The following CRPPA variants were observed in gnomAD, a reference collection of about 807,000 sequenced individuals.
CRPPA encodes D-ribitol-5-phosphate cytidylyltransferase.
A neutral mutation model predicts 52.0 loss-of-function variants in CRPPA; 43 were observed. That is an observed-to-expected ratio of 0.83 (90% confidence interval 0.65 to 1.07). The LOEUF (loss-of-function observed/expected upper bound fraction) is 1.07, where lower values mean the gene tolerates loss of function less well. Ranked by LOEUF, CRPPA falls within the 50% of genes least tolerant of loss-of-function variation. The pLI is 0.00. For synonymous variants in CRPPA, 250 were observed against 203.5 expected, an observed-to-expected ratio of 1.23 and a Z score of -1.94; for missense variants, 629 against 551.7, an observed-to-expected ratio of 1.14 and a Z score of -1.40.
intron 8 of CRPPA, among the ~76,000 whole-genome samples, chr7:16,250,257 C>T (rs760335146): frequency 1.6e-4 from 25 of 152,128 alleles, no homozygotes; most frequent in Non-Finnish European, 1.9e-4. Flanking sequence ...ATTGGTGTAC[C>T]TGAAAGTGAC....
At chr7:16,254,065 G>A (rs56005627) in intron 8 of CRPPA, among the ~76,000 whole-genome samples, 51,164 of 151,952 alleles carry the variant, frequency 0.34, 9,432 homozygotes, top group Admixed American at 0.43. Context: ...TTAGAATGGC[G>A]ATCATTAAAA....
At chr7:16,286,097 AATAT>A (rs71007759) in intron 5 of CRPPA, among the ~76,000 whole-genome samples, 1 of 39,128 alleles carries the variant, frequency 2.6e-5, no homozygotes, top group African/African-American at 1.8e-4. Context: ...TAAAAAAAAA[AATAT>A]ATATATATAT....
intron 6 of CRPPA, among the ~76,000 whole-genome samples, chr7:16,259,930 G>C (rs1225883082): frequency 1.3e-5 from 2 of 151,968 alleles, no homozygotes; most frequent in South Asian, 2.1e-4. Context: ...AGTTTTCAAG[G>C]TCTTAGCTTT....
chr7:16,142,998 T>A (rs77112558), intron 9 of CRPPA, among the ~76,000 whole-genome samples: 5,177 of 152,320 alleles, frequency 0.034, 140 homozygotes, highest in Non-Finnish European at 0.05. Flanking sequence ...AGTTTTATAC[T>A]GTATTCAAAG....
chr7:16,367,224 C>G (rs1786621414), intron 3 of CRPPA, among the ~76,000 whole-genome samples: 1 of 152,038 alleles, frequency 6.6e-6, no homozygotes, highest in Admixed American at 6.6e-5. Flanking sequence ...CCCCTTGCTC[C>G]CTGTGCCCAC....
At chr7:16,313,081 T>A (rs1277063702) in intron 3 of CRPPA, among the ~76,000 whole-genome samples, 1 of 151,960 alleles carries the variant, frequency 6.6e-6, no homozygotes, top group East Asian at 1.9e-4. Flanking sequence ...AATTCTAGCA[T>A]CACAGAATGA....
At chr7:16,268,430 T>G (rs930391143) in intron 6 of CRPPA, among the ~76,000 whole-genome samples, 1 of 152,130 alleles carries the variant, frequency 6.6e-6, no homozygotes, top group African/African-American at 2.4e-5. Flanking sequence ...TCAAACCCTA[T>G]GTAATAAGCA....
intron 9 of CRPPA, among the ~76,000 whole-genome samples, chr7:16,106,391 T>C (rs182401533): frequency 7.9e-5 from 12 of 152,276 alleles, no homozygotes; most frequent in Admixed American, 4.6e-4. Context: ...AAGAGTTGAA[T>C]TGGCCATCCA....
intron 6 of CRPPA, among the ~76,000 whole-genome samples, chr7:16,263,730 C>T (rs112722108): frequency 0.049 from 7,407 of 150,104 alleles, 565 homozygotes; most frequent in African/African-American, 0.17. Context: ...CCAGCCTTGG[C>T]GACAGAGTAA....
rs571897623 is a variant in CRPPA at position 16,165,629 on chromosome 7, A to G, written c.1251+50437T>C. Among the ~76,000 whole-genome samples the G allele has an allele frequency of 2.4e-3, 359 of 152,364 alleles. 1 individual carries two copies. Among genetic ancestry groups the G allele is most frequent in the Non-Finnish European group, 4.4e-3 (298 of 68,022 alleles). On this transcript the variant is annotated intron_variant, in intron 9 of 9. Coordinates refer to ENST00000407010, the MANE Select transcript of CRPPA (RefSeq NM_001101426.4). Reference sequence around the variant, plus strand: ...ATATTCATTGTCAGATGGAACCCACATGCAAATGCAAATTCAAAAACAGCC... The same window carrying G: ...ATATTCATTGTCAGATGGAACCCACGTGCAAATGCAAATTCAAAAACAGCC...
chr7:16,209,428 C>T (rs1782072218), intron 9 of CRPPA, among the ~76,000 whole-genome samples: 1 of 151,924 alleles, frequency 6.6e-6, no homozygotes, highest in South Asian at 2.1e-4. Flanking sequence ...CTCCCCACCA[C>T]AATCGGCTAA....
chr7:16,318,206 G>T (rs1293937192), intron 3 of CRPPA, among the ~76,000 whole-genome samples: 1 of 152,110 alleles, frequency 6.6e-6, no homozygotes, highest in Non-Finnish European at 1.5e-5. Flanking sequence ...AGGAGACTAT[G>T]GTTAATGGCA....
chr7:16,228,151 T>C (rs1589987), intron 8 of CRPPA, among the ~76,000 whole-genome samples: 34,647 of 151,768 alleles, frequency 0.23, 4,252 homozygotes, highest in South Asian at 0.43. Context: ...GTAGTATATT[T>C]TGAAGTCAGG....
chr7:16,181,438 G>A (rs1155436), intron 9 of CRPPA, among the ~76,000 whole-genome samples: 67,025 of 151,650 alleles, frequency 0.44, 15,717 homozygotes, highest in East Asian at 0.75. Context: ...ATATTTTCAT[G>A]ATGTTAAACA....
At chr7:16,306,722 G>A (rs1384067330) in intron 4 of CRPPA, among the ~76,000 whole-genome samples, 1 of 152,114 alleles carries the variant, frequency 6.6e-6, no homozygotes, top group African/African-American at 2.4e-5. Context: ...AGAAATGTGG[G>A]TCAGGACCTT....
At chr7:16,203,393 G>A (rs1781899802) in intron 9 of CRPPA, among the ~76,000 whole-genome samples, 1 of 152,072 alleles carries the variant, frequency 6.6e-6, no homozygotes, top group South Asian at 2.1e-4. Context: ...ACTCACATGG[G>A]CCACAGTAGT....
At chr7:16,278,099 GT>G in intron 6 of CRPPA, 29 bp downstream of exon 6, 1 of 1,199,386 alleles carries the variant, frequency 8.3e-7, no homozygotes. Flanking sequence ...GGCAATCAAA[GT>G]TTATCAAACT....
At chr7:16,185,283 G>T (rs779608748) in intron 9 of CRPPA, among the ~76,000 whole-genome samples, 5 of 152,142 alleles carry the variant, frequency 3.3e-5, no homozygotes, top group Non-Finnish European at 4.4e-5. Flanking sequence ...CAGATCTCAT[G>T]AGACTTATTC....
At chr7:16,141,526 A>G (rs937697729) in intron 9 of CRPPA, among the ~76,000 whole-genome samples, 4 of 152,254 alleles carry the variant, frequency 2.6e-5, no homozygotes, top group Non-Finnish European at 1.5e-5. Flanking sequence ...GTGAGCTAAT[A>G]TGACTATTAA....
Sources: allele counts gnomAD v4.1 joint callset (sites outside exome capture counted in the v4.1 genomes callset), GRCh38; gene constraint gnomAD v4.1.1; transcripts MANE v1.5; gene names NCBI Gene and HGNC (gene_info 2026-07-23, HGNC 2026-07-21).